ARHGEF18: variants seen among roughly 807,000 people sequenced by gnomAD.
ARHGEF18 encodes the protein Rho/Rac guanine nucleotide exchange factor 18.
Under a neutral mutation model 155.7 loss-of-function variants are expected in ARHGEF18, and 93 were observed. That is an observed-to-expected ratio of 0.60 (90% CI 0.50 to 0.71). The LOEUF (loss-of-function observed/expected upper bound fraction) is 0.71, where lower values mean the gene tolerates loss of function less well. ARHGEF18 is among the 30% of genes least tolerant of loss of function. The probability of loss-of-function intolerance (pLI) is 0.00; values close to 1 mark genes in which losing one functional copy is unlikely to be tolerated. For missense variants in ARHGEF18, 1,593 were observed against 1,816.1 expected, an observed-to-expected ratio of 0.88 and a Z score of 2.23; for synonymous variants, 742 against 753.1, an observed-to-expected ratio of 0.99 and a Z score of 0.24.
intron 2 of ARHGEF18, among the ~76,000 whole-genome samples, chr19:7,369,677 A>ATTC (rs1415019612): frequency 6.6e-6 from 1 of 151,942 alleles, no homozygotes; most frequent in Non-Finnish European, 1.5e-5. Context: ...GGCGCCTGTA[A>ATTC]TTCCAGCTAC....
chr19:7,469,262 G>A, intron 27 of ARHGEF18, 131 bp downstream of exon 27: 1 of 1,209,412 alleles, frequency 8.3e-7, no homozygotes, highest in Non-Finnish European at 1.1e-6. Context: ...GGCACAGCTG[G>A]CATCGTGGCT....
intron 10 of ARHGEF18, among the ~76,000 whole-genome samples, chr19:7,394,809 C>T (rs1169579855): frequency 2.0e-5 from 3 of 152,050 alleles, no homozygotes; most frequent in East Asian, 3.9e-4. Context: ...CCTCTGGATC[C>T]CCGCAACCCA....
At chr19:7,435,768 C>T (rs1162815947) in intron 10 of ARHGEF18, among the ~76,000 whole-genome samples, 4 of 152,166 alleles carry the variant, frequency 2.6e-5, no homozygotes, top group Admixed American at 6.5e-5. Context: ...ATGTCTTGAC[C>T]CATCAGCTAT....
At chr19:7,450,551 G>C (rs1975327503) in intron 15 of ARHGEF18, among the ~76,000 whole-genome samples, 1 of 9,516 alleles carries the variant, frequency 1.1e-4, no homozygotes, top group African/African-American at 1.1e-3. Context: ...CTTGCTTTCT[G>C]TTTCCATTTC....
intron 1 of ARHGEF18, among the ~76,000 whole-genome samples, chr19:7,349,967 C>A (rs890190325): frequency 6.6e-6 from 1 of 152,158 alleles, no homozygotes; most frequent in East Asian, 1.9e-4. Flanking sequence ...GGCTGACAAC[C>A]AGCCCTGAGA....
intron 18 of ARHGEF18, 31 bp from the exon 19 acceptor site, chr19:7,458,481 G>C: frequency 6.2e-7 from 1 of 1,601,794 alleles, no homozygotes; most frequent in South Asian, 1.1e-5. Context: ...GGGGTAAAGG[G>C]TGACCTCCCC....
At chr19:7,435,512 G>C (rs892561524) in intron 10 of ARHGEF18, among the ~76,000 whole-genome samples, 1 of 152,070 alleles carries the variant, frequency 6.6e-6, no homozygotes, top group African/African-American at 2.4e-5. Flanking sequence ...AGGGTGAGCA[G>C]GTTCAGGATG....
chr19:7,356,309 C>T (rs1266718457), intron 1 of ARHGEF18, among the ~76,000 whole-genome samples: 9 of 148,912 alleles, frequency 6.0e-5, no homozygotes, highest in African/African-American at 1.0e-4. Flanking sequence ...CTCATTCGGT[C>T]GCCGAGGCTG....
At chr19:7,450,028 G>T (rs1208701824) in intron 15 of ARHGEF18, among the ~76,000 whole-genome samples, 2 of 152,132 alleles carry the variant, frequency 1.3e-5, no homozygotes, top group East Asian at 3.9e-4. Context: ...CAGGTATCTG[G>T]TGTCTGTCTC....
intron 2 of ARHGEF18, among the ~76,000 whole-genome samples, chr19:7,369,242 A>T (rs564628575): frequency 1.3e-5 from 2 of 151,942 alleles, no homozygotes; most frequent in Non-Finnish European, 2.9e-5. Flanking sequence ...CGGATGGATC[A>T]TCTGAGGTCG....
intron 1 of ARHGEF18, among the ~76,000 whole-genome samples, chr19:7,349,911 C>T (rs1969116480): frequency 6.6e-6 from 1 of 152,124 alleles, no homozygotes; most frequent in Non-Finnish European, 1.5e-5. Context: ...CTCCCTGTTG[C>T]AGATTCTGAA....
chr19:7,432,181 A>T (rs566275032), intron 10 of ARHGEF18, among the ~76,000 whole-genome samples: 34 of 152,280 alleles, frequency 2.2e-4, no homozygotes, highest in African/African-American at 7.9e-4. Context: ...TCATCTTCTC[A>T]TCGATTTAGT....
intron 2 of ARHGEF18, among the ~76,000 whole-genome samples, chr19:7,370,413 G>A (rs1395357587): frequency 2.0e-5 from 3 of 151,058 alleles, no homozygotes; most frequent in African/African-American, 4.9e-5. Context: ...GGAGAATGGC[G>A]TGAACCCGGG....
Position 7,467,263 on chromosome 19 carries a change from T to A in ARHGEF18, c.3059T>A (p.Ile1020Asn). 6.4e-7 allele frequency: 1 copy of A among 1,563,488 alleles called. No homozygotes were observed. Among genetic ancestry groups the A allele is most frequent in the Non-Finnish European group, 8.6e-7 (1 of 1,156,602 alleles). The stretch of plus-strand genomic sequence containing the variant: ...TATGTGGAGACGCAGCGGGCTGCCA[T>A]CCAGGAGCGGGAGAAGCAGTTCCGG... ...DSYVETQRAA[I>N]QEREKQFRLQ... The change falls in exon 26 of 29, where the codon ATC (isoleucine) becomes AAC (asparagine). Residue 1020 changes from isoleucine (I) to asparagine (N), a missense_variant. Transcript: ENST00000668164.
In ARHGEF18 at chr19:7,420,096, T is replaced by G. The variant is rs1326671411; in HGVS notation, c.968-20248T>G. 3.3e-5 allele frequency among the ~76,000 whole-genome samples: 5 copies of G among 152,176 alleles called. No homozygotes were observed. In the South Asian group the frequency reaches 1.0e-3, roughly 32 times the overall value. ...TCAGGCCAGCTGAGCTCTCAGAGAT[T>G]GGCAACTAATCAAAAAAGGCCAGCT... is the stretch of plus-strand genomic sequence containing the variant. On this transcript the variant is annotated intron_variant, in intron 10 of 28. Coordinates refer to ENST00000668164, the MANE Select transcript of ARHGEF18 (RefSeq NM_001367823.1).
chr19:7,458,714 C>G (rs775438138), intron 19 of ARHGEF18, 24 bp downstream of exon 19: 1 of 1,594,298 alleles, frequency 6.3e-7, no homozygotes, highest in South Asian at 1.1e-5. Flanking sequence ...GGGGGTCTCC[C>G]CACCCACTGT....
intron 10 of ARHGEF18, among the ~76,000 whole-genome samples, chr19:7,407,985 A>G (rs1405753725): frequency 3.3e-5 from 5 of 149,340 alleles, no homozygotes; most frequent in African/African-American, 1.3e-4. Flanking sequence ...AAAAAAAAAA[A>G]AAGAGGTAGT....
intron 6 of ARHGEF18, 117 bp downstream of exon 6, chr19:7,378,568 A>G (rs1304435874): frequency 5.5e-6 from 4 of 728,654 alleles, no homozygotes; most frequent in Non-Finnish European, 7.6e-6. Context: ...CCAGGGCCAG[A>G]CACCATCCCA....
At chr19:7,453,396 C>T in intron 16 of ARHGEF18, 71 bp from the exon 17 acceptor site, 1 of 1,513,860 alleles carries the variant, frequency 6.6e-7, no homozygotes, top group East Asian at 2.3e-5. Context: ...CATGTCCATA[C>T]ATAGTGAGTG....
Sources: allele counts gnomAD v4.1 joint callset (sites outside exome capture counted in the v4.1 genomes callset), GRCh38; gene constraint gnomAD v4.1.1; transcripts MANE v1.5; gene names NCBI Gene and HGNC (gene_info 2026-07-23, HGNC 2026-07-21).